FIGN: variants seen among roughly 807,000 people sequenced by gnomAD.
FIGN encodes the protein fidgetin, microtubule severing factor, also known as fidgetin.
A neutral mutation model predicts 51.3 loss-of-function variants in FIGN; 11 were observed. The observed-to-expected ratio is 0.21, with a 90% CI of 0.13 to 0.35. The LOEUF (loss-of-function observed/expected upper bound fraction) is 0.35, where lower values mean the gene tolerates loss of function less well. FIGN is among the 10% of genes least tolerant of loss of function. The pLI is 1.00. For synonymous variants in FIGN, 407 were observed against 363.2 expected (o/e 1.12, Z -1.37); for missense variants, 857 against 943.6 (o/e 0.91, Z 1.20).
At chr2:163,689,173 A>AACACACACACACACACACACACACAC (rs58519537) in intron 2 of FIGN, among the ~76,000 whole-genome samples, 18 of 144,762 alleles carry the variant, frequency 1.2e-4, no homozygotes, top group African/African-American at 4.4e-4. Flanking sequence ...AACAAAAATG[A>AACACACACACACACACACACACACAC]ACACACACAC....
At chr2:163,663,212 C>A (rs1477517279) in intron 2 of FIGN, among the ~76,000 whole-genome samples, 1 of 151,644 alleles carries the variant, frequency 6.6e-6, no homozygotes, top group African/African-American at 2.4e-5. Flanking sequence ...TGATCGACCG[C>A]ACCTGGCCTA....
chr2:163,710,912 A>C (rs775411217), intron 2 of FIGN, among the ~76,000 whole-genome samples: 6 of 152,216 alleles, frequency 3.9e-5, no homozygotes, highest in Non-Finnish European at 7.3e-5. Context: ...TCACCTGTAC[A>C]CAATGGCTTG....
At chr2:163,694,677 C>A (rs544622524) in intron 2 of FIGN, among the ~76,000 whole-genome samples, 55 of 152,234 alleles carry the variant, frequency 3.6e-4, no homozygotes, top group African/African-American at 1.2e-3. Flanking sequence ...ACATTAAGAG[C>A]AAAAATATTG....
At chr2:163,713,985 A>T (rs1234783258) in intron 2 of FIGN, among the ~76,000 whole-genome samples, 1 of 152,180 alleles carries the variant, frequency 6.6e-6, no homozygotes, top group African/African-American at 2.4e-5. Flanking sequence ...TGCTGCAGCA[A>T]ACAAGCTGAT....
At chr2:163,711,382 T>C (rs1321412625) in intron 2 of FIGN, among the ~76,000 whole-genome samples, 1 of 152,210 alleles carries the variant, frequency 6.6e-6, no homozygotes, top group Non-Finnish European at 1.5e-5. Flanking sequence ...CAGTGATTAA[T>C]ACCTCCCTAC....
intron 2 of FIGN, among the ~76,000 whole-genome samples, chr2:163,706,574 G>C (rs1472326121): frequency 6.6e-6 from 1 of 152,132 alleles, no homozygotes; most frequent in Non-Finnish European, 1.5e-5. Context: ...GATTTAGACT[G>C]AGCTAATTTT....
intron 2 of FIGN, among the ~76,000 whole-genome samples, chr2:163,670,553 G>A (rs937767778): frequency 2.0e-5 from 3 of 152,044 alleles, no homozygotes; most frequent in Non-Finnish European, 2.9e-5. Flanking sequence ...TTAGCTTATC[G>A]ATAGCTTACT....
At chr2:163,697,104 C>A (rs1460679) in intron 2 of FIGN, among the ~76,000 whole-genome samples, 2 of 109,736 alleles carry the variant, frequency 1.8e-5, no homozygotes, top group African/African-American at 6.9e-5. Flanking sequence ...TCTTTTCTTT[C>A]TTTTTTTTTT....
At chr2:163,694,925 C>T (rs1033148941) in intron 2 of FIGN, among the ~76,000 whole-genome samples, 6 of 152,046 alleles carry the variant, frequency 3.9e-5, no homozygotes, top group African/African-American at 9.7e-5. Context: ...GTAGCTAGGA[C>T]GACAGGTGTT....
intron 2 of FIGN, among the ~76,000 whole-genome samples, chr2:163,660,704 T>TATTTTTTTTTTTTTTTTTTGAG (rs1683641623): frequency 8.7e-6 from 1 of 115,226 alleles, no homozygotes; most frequent in East Asian, 2.4e-4. Flanking sequence ...CATATATATG[T>TATTTTTTTTTTTTTTTTTTGAG]ATACACATAT....
chr2:163,644,918 AG>A (rs1272669745), intron 2 of FIGN, among the ~76,000 whole-genome samples: 3 of 152,194 alleles, frequency 2.0e-5, no homozygotes, highest in African/African-American at 7.2e-5. Context: ...GGGCTATGGC[AG>A]GGGAGGAGGA....
chr2:163,698,569 TA>T (rs1264512979), intron 2 of FIGN, among the ~76,000 whole-genome samples: 5 of 151,920 alleles, frequency 3.3e-5, no homozygotes, highest in Non-Finnish European at 5.9e-5. Context: ...AGCTACAGAG[TA>T]GAACACCACC....
intron 1 of FIGN, 150 bp downstream of exon 1, chr2:163,735,688 C>A (rs1287879851): frequency 6.6e-6 from 1 of 152,174 alleles, no homozygotes; most frequent in African/African-American, 2.4e-5. Context: ...GGTTGGCGTA[C>A]AGAATAGAAA....
At chr2:163,673,021 G>A (rs1382486205) in intron 2 of FIGN, among the ~76,000 whole-genome samples, 1 of 152,094 alleles carries the variant, frequency 6.6e-6, no homozygotes, top group East Asian at 1.9e-4. Context: ...TGCATATCTC[G>A]TTAGACTTTC....
intron 2 of FIGN, among the ~76,000 whole-genome samples, chr2:163,640,569 C>T (rs1162701058): frequency 1.3e-5 from 2 of 151,938 alleles, no homozygotes; most frequent in Admixed American, 6.6e-5. Flanking sequence ...ACTTAAAAAG[C>T]GATTTGATTC....
intron 2 of FIGN, among the ~76,000 whole-genome samples, chr2:163,696,070 C>T (rs543198830): frequency 6.6e-6 from 1 of 152,134 alleles, no homozygotes; most frequent in South Asian, 2.1e-4. Context: ...AAGATCATGC[C>T]ACTGCACTCC....
Position 163,609,169 on chromosome 2 carries a change from G to C in FIGN, c.*383C>G, listed in dbSNP as rs1043826598. ...TAGCACATGCCACCAATGTAATTGTGAGGCAAACAAAAAATAAAGCACCAC... is the reference window on the plus strand; with the variant it reads ...TAGCACATGCCACCAATGTAATTGTCAGGCAAACAAAAAATAAAGCACCAC... On this transcript the variant is annotated 3_prime_UTR_variant, in exon 3 of 3. Transcript: ENST00000333129. The C allele has an allele frequency of 1.6e-5, 3 of 188,252 alleles. No individual in the cohort carries two copies. The highest frequency in any genetic ancestry group is 5.4e-5 in the Admixed American group (1 of 18,354). The allele number at this position is 188,252 out of a possible 1,614,324, so 11.7% of individuals were successfully genotyped here. A position where few individuals can be genotyped will look rare whatever the true frequency, so the allele number is the denominator to read the frequency against.
chr2:163,661,489 C>T (rs1683683159), intron 2 of FIGN, among the ~76,000 whole-genome samples: 1 of 151,888 alleles, frequency 6.6e-6, no homozygotes, highest in African/African-American at 2.4e-5. Context: ...CACTGTCTCC[C>T]AGGTTCAAAT....
intron 2 of FIGN, chr2:163,612,631 C>T: frequency 1.0e-6 from 1 of 984,474 alleles, no homozygotes; most frequent in Non-Finnish European, 1.2e-6. Flanking sequence ...TTCTAGCGTT[C>T]TCCCTCCTTC....
Sources: gnomAD v4.1 joint callset for allele counts (sites outside exome capture counted in the v4.1 genomes callset) on GRCh38, gnomAD v4.1.1 for gene constraint, MANE v1.5 for transcripts, NCBI Gene and HGNC (gene_info 2026-07-23, HGNC 2026-07-21) for gene names.